Variants in C7 observed in about 807,000 individuals in gnomAD.
The protein encoded by C7 is complement component C7.
In C7, 83 loss-of-function variants were observed where a neutral mutation model predicts 104.8. The observed-to-expected ratio is 0.79, with a 90% confidence interval of 0.66 to 0.95. C7 has a LOEUF of 0.95. C7 is among the 40% of genes least tolerant of loss of function. The pLI is 0.00. For missense variants in C7, 1,070 were observed against 1,011.2 expected, an observed-to-expected ratio of 1.06 and a Z score of -0.79; for synonymous variants, 415 against 360.6, an observed-to-expected ratio of 1.15 and a Z score of -1.71.
chr5:40,976,764 C>G lies in C7; in HGVS notation c.2089C>G (p.Gln697Glu). Residue 697 changes from glutamine to glutamate, a missense_variant, in exon 16 of 18, where the codon CAG becomes GAG. Physicochemically the swap from Gln to Glu is conservative, Grantham distance 29 (BLOSUM62 2). Coordinates refer to ENST00000313164, the MANE Select transcript of C7 (RefSeq NM_000587.4). ...TCCTTTTTTAGAAAATCCGTTAACACAGGCAGTGCCTAAATGTCAGCGCTG... is the reference window on the plus strand; with the variant it reads ...TCCTTTTTTAGAAAATCCGTTAACAGAGGCAGTGCCTAAATGTCAGCGCTG... ...RCVQKENPLT[Q>E]AVPKCQRWEK... is the part of the protein sequence containing the mutation. The G allele has an allele frequency of 6.3e-7, 1 of 1,599,838 alleles. No homozygotes were observed. The highest frequency in any genetic ancestry group is 1.1e-5 in the South Asian group (1 of 88,106).
At chr5:40,955,880 G>A (rs1015877386) in intron 10 of C7, among the ~76,000 whole-genome samples, 3 of 152,042 alleles carry the variant, frequency 2.0e-5, no homozygotes, top group South Asian at 4.2e-4. Flanking sequence ...TCTAGCAAGG[G>A]GAAGGCATGA....
chr5:40,918,411 C>A lies in C7; in HGVS notation c.6+8795C>A, dbSNP rs1220170735. ...ACAACAACAAGAAAAACAACAACAA[C>A]AACATAACAAAATGGCAGTAGTAAG... On this transcript the variant is annotated intron_variant, in intron 1 of 17. Coordinates refer to ENST00000313164, the MANE Select transcript of C7 (RefSeq NM_000587.4). Among the ~76,000 whole-genome samples, 5 of 151,948 alleles carry A rather than the reference C, an allele frequency of 3.3e-5. 1 individual carries two copies. The highest frequency in any genetic ancestry group is 3.3e-4 in the Admixed American group (5 of 15,216).
intron 14 of C7, among the ~76,000 whole-genome samples, chr5:40,970,025 G>A (rs1169054431): frequency 6.6e-6 from 1 of 152,020 alleles, no homozygotes; most frequent in Non-Finnish European, 1.5e-5. Flanking sequence ...ACTAGATTAT[G>A]AAGTTTTGGA....
intron 1 of C7, among the ~76,000 whole-genome samples, chr5:40,911,297 A>T (rs1320478995): frequency 2.0e-5 from 3 of 152,260 alleles, no homozygotes; most frequent in Non-Finnish European, 4.4e-5. Context: ...TTTCTATGTC[A>T]GACTTTTTAA....
chr5:40,929,067 T>C lies in C7; in HGVS notation c.62+432T>C, dbSNP rs116306284. ...CCTGGAAAAAAGCCAGCATCATTTATCCAAGGCTTTGTTATGCTCTCACTG... is the reference window on the plus strand; with the variant it reads ...CCTGGAAAAAAGCCAGCATCATTTACCCAAGGCTTTGTTATGCTCTCACTG... On this transcript the variant is annotated intron_variant, in intron 2 of 17. Transcript: ENST00000313164. 5.6e-3 allele frequency among the ~76,000 whole-genome samples: 857 copies of C among 152,304 alleles called. 7 individuals are homozygous for C. Among genetic ancestry groups the C allele is most frequent in the African/African-American group, 0.019 (809 of 41,574 alleles).
chr5:40,946,121 A>T (rs1225454805), intron 7 of C7, among the ~76,000 whole-genome samples: 1 of 151,918 alleles, frequency 6.6e-6, no homozygotes. Context: ...CAAATGCTAG[A>T]GGCTTTTTAG....
chr5:40,966,252 C>G (rs566055131), intron 14 of C7, among the ~76,000 whole-genome samples: 3 of 151,984 alleles, frequency 2.0e-5, no homozygotes, highest in Non-Finnish European at 2.9e-5. Context: ...GTCTTTTATC[C>G]CTTACCCCCT....
intron 1 of C7, among the ~76,000 whole-genome samples, chr5:40,924,732 C>A (rs1739515746): frequency 1.3e-5 from 2 of 152,254 alleles, no homozygotes; most frequent in African/African-American, 4.8e-5. Flanking sequence ...CACATGGAAG[C>A]TGCCAAGGCT....
chr5:40,914,802 C>T (rs995824040), intron 1 of C7, among the ~76,000 whole-genome samples: 2 of 152,052 alleles, frequency 1.3e-5, no homozygotes, highest in Admixed American at 1.3e-4. Context: ...GAAATGCTAC[C>T]CTATGCACAT....
chr5:40,960,286 G>T (rs1740396697), intron 12 of C7, among the ~76,000 whole-genome samples: 1 of 152,160 alleles, frequency 6.6e-6, no homozygotes, highest in African/African-American at 2.4e-5. Context: ...TTGCTGACTG[G>T]ACTTGGCAAA....
At chr5:40,910,808 A>C (rs867704469) in intron 1 of C7, among the ~76,000 whole-genome samples, 1,868 of 141,038 alleles carry the variant, frequency 0.013, 53 homozygotes, top group African/African-American at 0.055. Context: ...AAAAAAAACA[A>C]AAAAAAAACA....
rs143986940 is a variant in C7 at position 40,961,718 on chromosome 5, G to T, written c.1662-367G>T. ...TTATTTTCAATACAGAATTAATTCT[G>T]TATTAAATGAATTTCAGAACCAAAC... On this transcript the variant is annotated intron_variant, in intron 12 of 17. Transcript: ENST00000313164. Among the ~76,000 whole-genome samples the T allele has an allele frequency of 3.6e-3, 549 of 152,202 alleles. 6 individuals carry two copies. The highest frequency in any genetic ancestry group is 0.013 in the African/African-American group (523 of 41,530).
chr5:40,930,394 C>T lies in C7; in HGVS notation c.63-670C>T, dbSNP rs189972850. On this transcript the variant is annotated intron_variant, in intron 2 of 17. Coordinates refer to ENST00000313164, the MANE Select transcript of C7 (RefSeq NM_000587.4). ...CTAATTTTTGTATTTTTAGTAGAGACGGGGTTTCACCATGATGGCCCTGTT... is the reference window on the plus strand; with the variant it reads ...CTAATTTTTGTATTTTTAGTAGAGATGGGGTTTCACCATGATGGCCCTGTT... Among the ~76,000 whole-genome samples, 496 of 151,498 alleles carry T rather than the reference C, an allele frequency of 3.3e-3. 2 individuals carry two copies. Among genetic ancestry groups the T allele is most frequent in the African/African-American group, 0.011 (467 of 41,300 alleles).
chr5:40,971,088 TG>T (rs2111705688), intron 14 of C7, among the ~76,000 whole-genome samples: 1 of 152,318 alleles, frequency 6.6e-6, no homozygotes, highest in African/African-American at 2.4e-5. Flanking sequence ...TATAACCCTT[TG>T]GGTATATACC....
intron 3 of C7, 97 bp downstream of exon 3, chr5:40,931,236 T>C: frequency 2.4e-6 from 2 of 841,070 alleles, no homozygotes; most frequent in Non-Finnish European, 2.0e-6. Context: ...TTAAATAGTG[T>C]CAATATTTTT....
intron 9 of C7, among the ~76,000 whole-genome samples, chr5:40,950,421 A>G (rs543769349): frequency 4.6e-5 from 7 of 152,240 alleles, no homozygotes; most frequent in Admixed American, 3.9e-4. Context: ...TCTATGGTGT[A>G]TATGCACCAC....
At chr5:40,963,361 T>C (rs1327699718) in intron 13 of C7, among the ~76,000 whole-genome samples, 1 of 152,232 alleles carries the variant, frequency 6.6e-6, no homozygotes, top group Admixed American at 6.5e-5. Context: ...TTGTGCACTG[T>C]TGAATCAGAC....
At chr5:40,974,845 C>G (rs1253943335) in intron 15 of C7, among the ~76,000 whole-genome samples, 2 of 152,132 alleles carry the variant, frequency 1.3e-5, no homozygotes, top group Non-Finnish European at 2.9e-5. Flanking sequence ...TTTGGTACAT[C>G]TAGATTAAGG....
At position 40,965,369 on chromosome 5, in the gene C7, C is replaced by T. The variant is rs60073926; in HGVS notation, c.1882+496C>T. Among the ~76,000 whole-genome samples, 1,416 of 152,230 alleles carry T rather than the reference C, an allele frequency of 9.3e-3. 21 individuals carry two copies. Among genetic ancestry groups the T allele is most frequent in the African/African-American group, 0.033 (1,363 of 41,540 alleles). On this transcript the variant is annotated intron_variant, in intron 14 of 17. Transcript: ENST00000313164. Reference sequence around the variant, plus strand: ...TGATACATTTTTCCTAAATCAGTTGCTCTGTGCTATATGAGGAAAGCGCTA... The same window carrying T: ...TGATACATTTTTCCTAAATCAGTTGTTCTGTGCTATATGAGGAAAGCGCTA...
Sources: gnomAD v4.1 joint callset for allele counts (sites outside exome capture counted in the v4.1 genomes callset) on GRCh38, gnomAD v4.1.1 for gene constraint, MANE v1.5 for transcripts, NCBI Gene and HGNC (gene_info 2026-07-23, HGNC 2026-07-21) for gene names.